Variants in ANKRD31 observed in about 807,000 individuals in gnomAD.
ANKRD31 encodes the protein ankyrin repeat domain-containing protein 31.
A neutral mutation model predicts 186.0 loss-of-function variants in ANKRD31; 147 were observed. The observed-to-expected ratio is 0.79, with a 90% CI of 0.69 to 0.91. The LOEUF (loss-of-function observed/expected upper bound fraction) is 0.91, where lower values mean the gene tolerates loss of function less well. Ranked by LOEUF, ANKRD31 falls within the 40% of genes least tolerant of loss-of-function variation. The pLI, the probability that ANKRD31 is intolerant of heterozygous loss-of-function variation, is 0.00. For missense variants in ANKRD31, 1,986 were observed against 2,148.8 expected, an observed-to-expected ratio of 0.92 and a Z score of 1.50; for synonymous variants, 673 against 736.4, an observed-to-expected ratio of 0.91 and a Z score of 1.39.
At position 75,147,414 on chromosome 5, in the gene ANKRD31, C is replaced by A; in HGVS notation, c.1997G>T (p.Gly666Val). 6.6e-7 allele frequency: 1 copy of A among 1,520,066 alleles called. No individual in the cohort carries two copies. Among genetic ancestry groups the A allele is most frequent in the Non-Finnish European group, 8.8e-7 (1 of 1,140,606 alleles). 94.2% of individuals were successfully genotyped at this position (1,520,066 alleles called of 1,614,324 possible). Residue 666 changes from glycine (G) to valine (V), a missense_variant, in exon 14 of 26, where the codon GGA becomes GTA. Coordinates refer to ENST00000506364, the MANE Select transcript of ANKRD31 (RefSeq NM_001372053.1). ...QKLEHVKVNKGSKASLFINKE... is the reference protein window; with the variant it reads ...QKLEHVKVNKVSKASLFINKE... ...ATTTATAAATAAACTCGCTTTGCTT[C>A]CTTTATTGACTTTTACATGTTCCAG...
At chr5:75,187,252 T>C (rs1385631878) in intron 10 of ANKRD31, among the ~76,000 whole-genome samples, 2 of 151,814 alleles carry the variant, frequency 1.3e-5, no homozygotes, top group African/African-American at 4.8e-5. Context: ...TTCTGTGGGA[T>C]GTGGTAGCCA....
chr5:75,122,591 G>T (rs977953401), intron 17 of ANKRD31, among the ~76,000 whole-genome samples: 15 of 152,088 alleles, frequency 9.9e-5, no homozygotes, highest in African/African-American at 3.6e-4. Flanking sequence ...CCATGACCAA[G>T]TGGGTTGTAT....
At chr5:75,141,760 G>A (rs1751067552) in intron 15 of ANKRD31, among the ~76,000 whole-genome samples, 1 of 152,050 alleles carries the variant, frequency 6.6e-6, no homozygotes, top group Non-Finnish European at 1.5e-5. Flanking sequence ...CTGTGATTGT[G>A]CCACTGCTCT....
chr5:75,126,885 A>G (rs1169747777), intron 17 of ANKRD31, among the ~76,000 whole-genome samples: 1 of 152,204 alleles, frequency 6.6e-6, no homozygotes, highest in Non-Finnish European at 1.5e-5. Flanking sequence ...ATTTGCTGAA[A>G]GAGTATACTT....
At chr5:75,184,794 A>C (rs375532651) in intron 10 of ANKRD31, among the ~76,000 whole-genome samples, 38 of 152,186 alleles carry the variant, frequency 2.5e-4, no homozygotes, top group African/African-American at 8.9e-4. Context: ...ATTATGAAAA[A>C]CAATATGGAG....
chr5:75,103,326 G>A (rs777277953), intron 22 of ANKRD31, among the ~76,000 whole-genome samples: 44 of 152,192 alleles, frequency 2.9e-4, no homozygotes, highest in Non-Finnish European at 3.1e-4. Context: ...TCAGAACAGC[G>A]ATTATTAAAA....
At chr5:75,197,494 T>C (rs865923254) in intron 6 of ANKRD31, among the ~76,000 whole-genome samples, 16 of 152,212 alleles carry the variant, frequency 1.1e-4, no homozygotes, top group African/African-American at 3.6e-4. Flanking sequence ...CTTCCTCCTG[T>C]CCTTTTCTAC....
chr5:75,125,936 C>T (rs1749216689), intron 17 of ANKRD31, among the ~76,000 whole-genome samples: 3 of 152,158 alleles, frequency 2.0e-5, no homozygotes, highest in South Asian at 4.1e-4. Context: ...GTGATCACGA[C>T]TACAATAATG....
chr5:75,164,955 G>C (rs1752818893), intron 11 of ANKRD31, among the ~76,000 whole-genome samples: 2 of 152,148 alleles, frequency 1.3e-5, no homozygotes, highest in Admixed American at 1.3e-4. Context: ...AAAGTAGTTT[G>C]AAAGGTAGAA....
intron 11 of ANKRD31, among the ~76,000 whole-genome samples, chr5:75,156,985 G>A (rs1752224134): frequency 6.6e-6 from 1 of 152,208 alleles, no homozygotes; most frequent in African/African-American, 2.4e-5. Flanking sequence ...AGAAAGTGGG[G>A]TGCTATTGTA....
chr5:75,115,105 A>C (rs953498536), intron 19 of ANKRD31, among the ~76,000 whole-genome samples: 2 of 151,660 alleles, frequency 1.3e-5, no homozygotes, highest in African/African-American at 4.8e-5. Flanking sequence ...ATAACGCTGC[A>C]TATCTACAAC....
intron 22 of ANKRD31, among the ~76,000 whole-genome samples, chr5:75,098,086 G>A (rs1409749333): frequency 1.1e-4 from 16 of 151,792 alleles, no homozygotes; most frequent in Non-Finnish European, 2.1e-4. Flanking sequence ...GTGCAGTGGC[G>A]CAATCTCGGC....
At chr5:75,086,625 T>C (rs1344932453) in intron 23 of ANKRD31, among the ~76,000 whole-genome samples, 3 of 152,162 alleles carry the variant, frequency 2.0e-5, no homozygotes, top group Admixed American at 6.5e-5. Flanking sequence ...GGGCAGCTGA[T>C]AGGATGCCAG....
intron 3 of ANKRD31, among the ~76,000 whole-genome samples, chr5:75,215,068 T>C (rs558196008): frequency 9.2e-5 from 14 of 152,116 alleles, no homozygotes; most frequent in Admixed American, 6.6e-4. Context: ...AGTCTAAAGG[T>C]CAACAGGCAG....
intron 1 of ANKRD31, among the ~76,000 whole-genome samples, chr5:75,233,167 AT>A (rs1471480120): frequency 6.6e-6 from 1 of 151,422 alleles, no homozygotes; most frequent in African/African-American, 2.4e-5. Flanking sequence ...GGTTCAAGCG[AT>A]TCTCCTGCCT....
At position 75,206,470 on chromosome 5, in the gene ANKRD31, G is replaced by T; in HGVS notation, c.344C>A (p.Ser115Ter). Reference protein sequence around the residue: ...QALLQTRKNCSMFIGSFRQSG... With the variant: ...QALLQTRKNC ...CTGGCGAAACGACCCAATGAACATTGAACAGTTTTTTCTAGTCCTAAAAAA... is the reference window on the plus strand; with the variant it reads ...CTGGCGAAACGACCCAATGAACATTTAACAGTTTTTTCTAGTCCTAAAAAA... Residue 115 changes from serine to a stop codon, truncating the protein, a stop_gained, in exon 5 of 26, where the codon TCA (serine) becomes TAA (stop). Transcript: ENST00000506364. LOFTEE classifies it high-confidence loss of function. 1 of 1,452,884 alleles carries T rather than the reference G, an allele frequency of 6.9e-7. No homozygotes were observed. Among genetic ancestry groups the T allele is most frequent in the East Asian group, 2.6e-5 (1 of 37,924 alleles). The allele number at this position is 1,452,884 out of a possible 1,614,324, so 90.0% of individuals were successfully genotyped here.
intron 11 of ANKRD31, among the ~76,000 whole-genome samples, chr5:75,167,281 C>T (rs1044013756): frequency 5.3e-5 from 8 of 152,036 alleles, no homozygotes; most frequent in African/African-American, 1.9e-4. Context: ...CTAGTTCCTT[C>T]AACACTCCAG....
At chr5:75,117,192 A>G (rs1748363889) in intron 18 of ANKRD31, among the ~76,000 whole-genome samples, 1 of 152,278 alleles carries the variant, frequency 6.6e-6, no homozygotes, top group South Asian at 2.1e-4. Flanking sequence ...AAGAAACAGT[A>G]GATATGTGGG....
intron 5 of ANKRD31, among the ~76,000 whole-genome samples, chr5:75,202,899 A>G (rs918123177): frequency 2.0e-5 from 3 of 152,254 alleles, no homozygotes; most frequent in Non-Finnish European, 4.4e-5. Flanking sequence ...GCTTTAGGGC[A>G]GCAAGAAACA....
Sources: allele counts gnomAD v4.1 joint callset (sites outside exome capture counted in the v4.1 genomes callset), GRCh38; gene constraint gnomAD v4.1.1; transcripts MANE v1.5; gene names NCBI Gene and HGNC (gene_info 2026-07-23, HGNC 2026-07-21).